Variants in KLF15 observed in about 807,000 individuals in gnomAD.
The protein encoded by KLF15 is KLF transcription factor 15, also known as Krueppel-like factor 15.
In KLF15, 4 loss-of-function variants were observed where a neutral mutation model predicts 24.6. The observed-to-expected ratio is 0.16, with a 90% confidence interval of 0.08 to 0.37. KLF15 has a LOEUF of 0.37. KLF15 is among the 10% of genes least tolerant of loss of function. KLF15 has a pLI of 1.00. For missense variants in KLF15, 496 were observed against 560.6 expected (o/e 0.88, Z 1.16); for synonymous variants, 246 against 236.3 (o/e 1.04, Z -0.37).
the KLF15 span, among the ~76,000 whole-genome samples, chr3:126,306,341 G>A: frequency 0.34 from 51,815 of 152,028 alleles, 9,630 homozygotes; most frequent in Non-Finnish European, 0.43. Flanking sequence ...AGTCCTGGTG[G>A]ATATCACTTC....
chr3:126,288,600 C>T, the KLF15 span, among the ~76,000 whole-genome samples: 2 of 152,232 alleles, frequency 1.3e-5, no homozygotes, highest in African/African-American at 4.8e-5. Context: ...GCGTCCTCTG[C>T]GCCTGCTGCA....
the KLF15 span, among the ~76,000 whole-genome samples, chr3:126,334,251 A>G: frequency 3.3e-5 from 5 of 151,832 alleles, no homozygotes; most frequent in Admixed American, 1.3e-4. Flanking sequence ...TCAAACTAGA[A>G]CTCAGGATTA....
At chr3:126,345,201 C>T (rs2082523940) in intron 2 of KLF15, among the ~76,000 whole-genome samples, 1 of 152,222 alleles carries the variant, frequency 6.6e-6, no homozygotes, top group South Asian at 2.1e-4. Context: ...CAATTCTAGG[C>T]TCCTGTGGCA....
At chr3:126,297,002 G>A in the KLF15 span, among the ~76,000 whole-genome samples, 5 of 152,044 alleles carry the variant, frequency 3.3e-5, no homozygotes, top group South Asian at 1.0e-3. Context: ...CTTGAACTCT[G>A]GGCTGAAGCA....
At chr3:126,298,466 T>C in the KLF15 span, among the ~76,000 whole-genome samples, 2 of 151,630 alleles carry the variant, frequency 1.3e-5, no homozygotes, top group African/African-American at 4.8e-5. Context: ...AGAAGCTTTT[T>C]AGCTCCATTA....
At chr3:126,357,051 C>A (rs2082639209) in intron 1 of KLF15, among the ~76,000 whole-genome samples, 186 bp downstream of exon 1, 1 of 151,614 alleles carries the variant, frequency 6.6e-6, no homozygotes, top group African/African-American at 2.4e-5. Flanking sequence ...TCACCTCCCC[C>A]GGGCCAGTCC....
chr3:126,352,771 G>C lies in KLF15; in HGVS notation c.152C>G (p.Ser51Cys). Residue 51 changes from serine to cysteine, a missense_variant, in exon 2 of 3, where the codon TCC becomes TGC. This residue lies in a region of KLF15 where 399 missense variants were observed against 423.1 expected (regional missense o/e 0.94). Transcript: ENST00000296233. ...GGCTTGAGAGTCGGGACTGGAACAG[G>C]AGCAGGGGCTGGAGGCATCGCTGTC... ...EDDSDASSPC[S>C]CSSPDSQALC... is the part of the protein sequence containing the mutation. The C allele has an allele frequency of 6.3e-7, 1 of 1,576,814 alleles. No homozygotes were observed. The highest frequency in any genetic ancestry group is 1.3e-5 in the African/African-American group (1 of 74,160).
chr3:126,332,178 A>C, the KLF15 span, among the ~76,000 whole-genome samples: 1 of 151,976 alleles, frequency 6.6e-6, no homozygotes, highest in Non-Finnish European at 1.5e-5. Context: ...CCTGTCTGAC[A>C]GCTTTGAAGA....
chr3:126,331,667 C>T, the KLF15 span, among the ~76,000 whole-genome samples: 627 of 152,300 alleles, frequency 4.1e-3, 7 homozygotes, highest in African/African-American at 0.013. Flanking sequence ...GCGTGAGCGA[C>T]GCAGAAGACG....
chr3:126,338,190 C>T (rs1165973504), downstream of KLF15, among the ~76,000 whole-genome samples: 2 of 152,192 alleles, frequency 1.3e-5, no homozygotes, highest in African/African-American at 2.4e-5. Flanking sequence ...CTTGGGAAGG[C>T]TGGGAGAGGA....
At position 126,352,724 on chromosome 3, in the gene KLF15, C is replaced by G; in HGVS notation, c.199G>C (p.Gly67Arg). The change falls in exon 2 of 3, where the codon GGC becomes CGC. Residue 67 changes from glycine (G) to arginine (R), a missense_variant. Coordinates refer to ENST00000296233, the MANE Select transcript of KLF15 (RefSeq NM_014079.4). ...CTGTCCTGGCTCTCGGTGCCCAGGC[C>G]TCCACCATAGCAGGAGCAGAGGGCT... ...SQALCSCYGG[G>R]LGTESQDSIL... 1.3e-6 allele frequency: 2 copies of G among 1,576,258 alleles called. No individual in the cohort carries two copies.
At chr3:126,314,679 G>A in the KLF15 span, among the ~76,000 whole-genome samples, 96,927 of 152,088 alleles carry the variant, frequency 0.64, 31,211 homozygotes, top group African/African-American at 0.7. Flanking sequence ...CTCAGCAAAC[G>A]AATACTGGGC....
At chr3:126,296,337 A>G in the KLF15 span, among the ~76,000 whole-genome samples, 2 of 152,088 alleles carry the variant, frequency 1.3e-5, no homozygotes, top group Non-Finnish European at 2.9e-5. Context: ...CCTCCTGAGT[A>G]GCTGGGACTA....
At chr3:126,321,525 G>C in the KLF15 span, among the ~76,000 whole-genome samples, 1 of 152,246 alleles carries the variant, frequency 6.6e-6, no homozygotes, top group African/African-American at 2.4e-5. Flanking sequence ...GCAGTCCAGA[G>C]CACCAGCAGG....
chr3:126,298,850 G>A, the KLF15 span, among the ~76,000 whole-genome samples: 1 of 152,130 alleles, frequency 6.6e-6, no homozygotes, highest in African/African-American at 2.4e-5. Flanking sequence ...CCAGTACCAT[G>A]CTGTTTTGGT....
the KLF15 span, among the ~76,000 whole-genome samples, chr3:126,321,163 T>C: frequency 6.6e-6 from 1 of 152,056 alleles, no homozygotes; most frequent in African/African-American, 2.4e-5. Flanking sequence ...GATCTCCAGT[T>C]TGATGTCTTC....
At chr3:126,331,167 A>T in the KLF15 span, among the ~76,000 whole-genome samples, 1 of 152,282 alleles carries the variant, frequency 6.6e-6, no homozygotes, top group East Asian at 1.9e-4. Context: ...AGCCCCCATC[A>T]TGAGCCCCTC....
chr3:126,308,815 T>C, the KLF15 span, among the ~76,000 whole-genome samples: 1 of 152,138 alleles, frequency 6.6e-6, no homozygotes, highest in African/African-American at 2.4e-5. Context: ...TTCATTCACA[T>C]GCTGAGAAGT....
intron 2 of KLF15, among the ~76,000 whole-genome samples, chr3:126,346,065 C>T (rs539492226): frequency 6.6e-6 from 1 of 152,350 alleles, no homozygotes. Flanking sequence ...AGCAGAGCCC[C>T]CCAGCCTCCT....
Sources: allele counts gnomAD v4.1 joint callset (sites outside exome capture counted in the v4.1 genomes callset), GRCh38; gene constraint gnomAD v4.1.1; regional missense constraint gnomAD v4.1.1; transcripts MANE v1.5; gene names NCBI Gene and HGNC (gene_info 2026-07-23, HGNC 2026-07-21).